The following MDFIC variants were observed in gnomAD, a reference collection of about 807,000 sequenced individuals.
MDFIC encodes myoD family inhibitor domain-containing protein.
In MDFIC, 17 loss-of-function variants were observed where a neutral mutation model predicts 23.2. That is an observed-to-expected ratio of 0.73 (90% CI 0.50 to 1.10). The LOEUF (loss-of-function observed/expected upper bound fraction) is 1.10. MDFIC is among the 50% of genes least tolerant of loss of function. The pLI is 0.00. For missense variants in MDFIC, 356 were observed against 316.6 expected, an observed-to-expected ratio of 1.12 and a Z score of -0.95; for synonymous variants, 120 against 115.2, an observed-to-expected ratio of 1.04 and a Z score of -0.27.
rs545116033 is a variant in MDFIC, at chr7:115,001,052, G to A, written c.494-14636G>A. On this transcript the variant is annotated intron_variant, in intron 4 of 4. Coordinates refer to ENST00000393486, the MANE Select transcript of MDFIC (RefSeq NM_001166345.3). ...TTCCTCCTCTATACTTGACTGAAGG[G>A]AAAAATGGAAGATGGTAGACATCCT... Among the ~76,000 whole-genome samples, 7 of 152,256 alleles carry A rather than the reference G, an allele frequency of 4.6e-5. No homozygotes were observed. In the East Asian group the frequency reaches 1.3e-3, roughly 29 times the overall value.
Position 114,922,583 on chromosome 7 carries a change from A to AG in MDFIC, c.-160dup. 7.9e-7 allele frequency: 1 copy of AG among 1,266,886 alleles called. No homozygotes were observed. 78.5% of individuals were successfully genotyped at this position (1,266,886 alleles called of 1,614,324 possible). On this transcript the variant is annotated 5_prime_UTR_variant, in exon 1 of 5. Coordinates refer to ENST00000393486, the MANE Select transcript of MDFIC (RefSeq NM_001166345.3). ...AGGCTCGCTAACTTTCCGGGGCGGA[A>AG]GAGGAGGAGGAGGAGGAGGAAGGGG...
chr7:115,010,536 A>G (rs1791661372), intron 4 of MDFIC, among the ~76,000 whole-genome samples: 1 of 152,178 alleles, frequency 6.6e-6, no homozygotes, highest in African/African-American at 2.4e-5. Context: ...TCTGGTAGAT[A>G]CTTCTGTAGA....
intron 2 of MDFIC, among the ~76,000 whole-genome samples, chr7:114,936,019 C>A (rs995307019): frequency 6.6e-6 from 1 of 152,112 alleles, no homozygotes; most frequent in Non-Finnish European, 1.5e-5. Flanking sequence ...AGACACTGTG[C>A]TTTCCTGTCT....
intron 4 of MDFIC, among the ~76,000 whole-genome samples, chr7:114,998,352 T>C (rs1275678271): frequency 6.6e-6 from 1 of 152,152 alleles, no homozygotes; most frequent in Admixed American, 6.5e-5. Flanking sequence ...ATAAAAATAT[T>C]TTCTTTATAT....
chr7:114,965,572 T>G (rs925731613), intron 3 of MDFIC, among the ~76,000 whole-genome samples: 1 of 152,060 alleles, frequency 6.6e-6, no homozygotes, highest in South Asian at 2.1e-4. Context: ...GGAACACAGT[T>G]GACATTTGAG....
intron 3 of MDFIC, among the ~76,000 whole-genome samples, chr7:114,949,059 A>G (rs975961240): frequency 1.3e-5 from 2 of 152,322 alleles, no homozygotes; most frequent in Admixed American, 6.5e-5. Flanking sequence ...TTTGTATACC[A>G]TAAAGCACAA....
chr7:114,948,314 C>A (rs1792691018), intron 3 of MDFIC, among the ~76,000 whole-genome samples: 1 of 152,150 alleles, frequency 6.6e-6, no homozygotes, highest in African/African-American at 2.4e-5. Context: ...TTAAAGCAAT[C>A]AAGTTCTAAA....
At chr7:114,943,653 G>A (rs916632813) in intron 3 of MDFIC, among the ~76,000 whole-genome samples, 2 of 152,112 alleles carry the variant, frequency 1.3e-5, no homozygotes, top group Non-Finnish European at 2.9e-5. Context: ...ATATTGATTA[G>A]CATTTATCTA....
At chr7:114,974,964 A>G (rs1431280510) in intron 3 of MDFIC, among the ~76,000 whole-genome samples, 1 of 151,944 alleles carries the variant, frequency 6.6e-6, no homozygotes, top group East Asian at 1.9e-4. Context: ...CCGGTGACCA[A>G]TGCTATCCAG....
Position 114,942,390 on chromosome 7 carries a change from C to T in MDFIC, c.210C>T (p.Leu70=), listed in dbSNP as rs145096402. The T allele has an allele frequency of 2.4e-5, 38 of 1,575,784 alleles. No individual in the cohort carries two copies. The highest frequency in any genetic ancestry group is 2.1e-4 in the Admixed American group (11 of 52,468). ...GGGGAAATCCTTCGGATGGTGAACT[C>T]ATTAGAAGTAAGTATTTTTAGAAAA... ...SIWGNPSDGE[L]IRTQPQRLPQ... is the part of the protein sequence containing the mutation. The change falls in exon 3 of 5, where the codon CTC becomes CTT. Residue 70 remains leucine (L), a synonymous_variant. Coordinates refer to ENST00000393486, the MANE Select transcript of MDFIC (RefSeq NM_001166345.3).
chr7:114,985,752 AATT>A (rs953150864), intron 4 of MDFIC, among the ~76,000 whole-genome samples: 1 of 151,656 alleles, frequency 6.6e-6, no homozygotes, highest in African/African-American at 2.4e-5. Flanking sequence ...TGAAAAGCTA[AATT>A]ATTAGAGAAG....
At position 115,016,874 on chromosome 7, in the gene MDFIC, A is replaced by T. The variant is rs1381212513; in HGVS notation, c.*939A>T. On this transcript the variant is annotated 3_prime_UTR_variant, in exon 5 of 5. Transcript: ENST00000393486. ...CCACTCCTGTCCACAGGAACATGAG[A>T]TTTAGCAGACTAAGGAGATCTGTAA... 6.6e-6 allele frequency: 1 copy of T among 152,166 alleles called. No homozygotes were observed. Among genetic ancestry groups the T allele is most frequent in the African/African-American group, 2.4e-5 (1 of 41,442 alleles). The allele number at this position is 152,166 out of a possible 1,614,324, so 9.4% of individuals were successfully genotyped here. A position where few individuals can be genotyped will look rare whatever the true frequency, so the allele number is the denominator to read the frequency against.
intron 2 of MDFIC, among the ~76,000 whole-genome samples, chr7:114,929,199 C>T (rs1374105824): frequency 4.0e-5 from 6 of 151,568 alleles, no homozygotes; most frequent in East Asian, 1.9e-4. Context: ...TTCCACCTCC[C>T]GGGTTCAAGC....
intron 4 of MDFIC, among the ~76,000 whole-genome samples, chr7:114,997,642 G>A (rs1467687906): frequency 6.6e-6 from 1 of 151,644 alleles, no homozygotes; most frequent in Non-Finnish European, 1.5e-5. Context: ...ACTTTACTTA[G>A]GAGGCTGAGA....
chr7:114,935,636 G>C (rs1358454048), intron 2 of MDFIC, among the ~76,000 whole-genome samples: 1 of 151,718 alleles, frequency 6.6e-6, no homozygotes, highest in East Asian at 1.9e-4. Flanking sequence ...ACAGAATAAT[G>C]GTAAATATAA....
intron 2 of MDFIC, among the ~76,000 whole-genome samples, chr7:114,937,407 T>C (rs1792446752): frequency 6.6e-6 from 1 of 152,266 alleles, no homozygotes; most frequent in African/African-American, 2.4e-5. Flanking sequence ...TGCCCTACAA[T>C]GGCTTTTCTA....
chr7:114,998,168 A>T (rs1416438463), intron 4 of MDFIC, among the ~76,000 whole-genome samples: 1 of 152,208 alleles, frequency 6.6e-6, no homozygotes, highest in African/African-American at 2.4e-5. Context: ...ATTGTGCAGG[A>T]TGTTTGAATT....
At chr7:114,923,673 A>G in intron 2 of MDFIC, 1 of 1,412,824 alleles carries the variant, frequency 7.1e-7, no homozygotes, top group Non-Finnish European at 9.2e-7. Flanking sequence ...CCAAGAATGA[A>G]TTAGCTTCTT....
intron 2 of MDFIC, chr7:114,923,698 G>A (rs964098557): frequency 7.3e-7 from 1 of 1,369,766 alleles, no homozygotes. Flanking sequence ...TTCTTCCAAA[G>A]TGTAAACACA....
Sources: allele counts gnomAD v4.1 joint callset (sites outside exome capture counted in the v4.1 genomes callset), GRCh38; gene constraint gnomAD v4.1.1; transcripts MANE v1.5; gene names NCBI Gene and HGNC (gene_info 2026-07-23, HGNC 2026-07-21).